ZMAT4: variants seen among roughly 807,000 people sequenced by gnomAD.
The protein encoded by ZMAT4 is zinc finger matrin-type protein 4.
A neutral mutation model predicts 28.7 loss-of-function variants in ZMAT4; 17 were observed. That is an observed-to-expected ratio of 0.59 (90% CI 0.41 to 0.89). The LOEUF is 0.89. ZMAT4 is among the 40% of genes least tolerant of loss of function. The pLI is 0.00. For missense variants in ZMAT4, 240 were observed against 283.8 expected (o/e 0.85, Z 1.11); for synonymous variants, 117 against 109.2 (o/e 1.07, Z -0.44).
At chr8:40,735,206 A>G (rs1308927110) in intron 3 of ZMAT4, among the ~76,000 whole-genome samples, 1 of 152,246 alleles carries the variant, frequency 6.6e-6, no homozygotes, top group Non-Finnish European at 1.5e-5. Flanking sequence ...CTTTGGTGGT[A>G]ATACATCTGC....
rs1554559738 is a variant in ZMAT4, at chr8:40,801,351, A to ATATATATATATATAT, written c.102+24223_102+24224insATATATATATATATA. ...AGATGATACTTTCTTTAAAAAAAAA[A>ATATATATATATATAT]ATATATATATATATATATATACATA... On this transcript the variant is annotated intron_variant, in intron 2 of 6. Coordinates refer to ENST00000297737, the MANE Select transcript of ZMAT4 (RefSeq NM_024645.3). Among the ~76,000 whole-genome samples, 25 of 97,258 alleles carry ATATATATATATATAT rather than the reference A, an allele frequency of 2.6e-4. 1 individual carries two copies. Among genetic ancestry groups the ATATATATATATATAT allele is most frequent in the African/African-American group, 9.3e-4 (25 of 26,982 alleles). 63.8% of individuals were successfully genotyped at this position (97,258 alleles called of 152,430 possible). A position where few individuals can be genotyped will look rare whatever the true frequency, so the allele number is the denominator to read the frequency against.
chr8:40,811,014 G>T (rs930538510), intron 2 of ZMAT4, among the ~76,000 whole-genome samples: 1 of 152,178 alleles, frequency 6.6e-6, no homozygotes. Context: ...CGTGAAAGCT[G>T]AATAAAGCCA....
At chr8:40,889,525 T>C (rs1818589305) in intron 1 of ZMAT4, among the ~76,000 whole-genome samples, 1 of 152,236 alleles carries the variant, frequency 6.6e-6, no homozygotes, top group Non-Finnish European at 1.5e-5. Context: ...AAAAGTCATA[T>C]GTTTCCCAAA....
intron 3 of ZMAT4, among the ~76,000 whole-genome samples, chr8:40,751,550 C>T (rs1015163237): frequency 2.2e-4 from 34 of 152,200 alleles, no homozygotes; most frequent in Middle Eastern, 3.4e-3. Context: ...ATGATCCGAT[C>T]GCCTCCCACC....
At chr8:40,789,334 C>T (rs1426047494) in intron 2 of ZMAT4, among the ~76,000 whole-genome samples, 1 of 152,124 alleles carries the variant, frequency 6.6e-6, no homozygotes, top group Non-Finnish European at 1.5e-5. Flanking sequence ...ATTAGGCAAA[C>T]GTGTCTACTG....
chr8:40,609,658 G>A (rs1212690559), intron 5 of ZMAT4, among the ~76,000 whole-genome samples: 1 of 147,554 alleles, frequency 6.8e-6, no homozygotes, highest in Non-Finnish European at 1.5e-5. Flanking sequence ...AAATAGTAAG[G>A]TAAGATTTTT....
chr8:40,833,563 T>G (rs1301153271), intron 1 of ZMAT4, among the ~76,000 whole-genome samples: 1 of 110,760 alleles, frequency 9.0e-6, no homozygotes, highest in Admixed American at 8.9e-5. Context: ...AAAAAAGACA[T>G]GAAATCATCA....
chr8:40,836,577 T>C (rs1056954157), intron 1 of ZMAT4, among the ~76,000 whole-genome samples: 1 of 152,200 alleles, frequency 6.6e-6, no homozygotes, highest in Non-Finnish European at 1.5e-5. Context: ...AGACGAATCA[T>C]AGCAATCTAA....
intron 3 of ZMAT4, among the ~76,000 whole-genome samples, chr8:40,719,962 T>A (rs558137835): frequency 6.6e-6 from 1 of 152,242 alleles, no homozygotes; most frequent in East Asian, 1.9e-4. Flanking sequence ...CCAAGGTGAG[T>A]CCTGTCTGGA....
At chr8:40,545,950 T>TA (rs36053017) in intron 6 of ZMAT4, among the ~76,000 whole-genome samples, 81,174 of 132,834 alleles carry the variant, frequency 0.61, 24,928 homozygotes, top group East Asian at 0.96. Flanking sequence ...TGAAGCCCAG[T>TA]AAAAAAAAAA....
intron 5 of ZMAT4, among the ~76,000 whole-genome samples, chr8:40,657,447 C>G (rs1262440157): frequency 6.6e-6 from 1 of 151,918 alleles, no homozygotes; most frequent in African/African-American, 2.4e-5. Context: ...CACTGATTAA[C>G]AGGCTTTTTT....
intron 5 of ZMAT4, among the ~76,000 whole-genome samples, chr8:40,604,859 A>G (rs1444636200): frequency 6.6e-6 from 1 of 152,112 alleles, no homozygotes; most frequent in Non-Finnish European, 1.5e-5. Flanking sequence ...TCTTGGACAT[A>G]TCTTTGTTGG....
intron 3 of ZMAT4, among the ~76,000 whole-genome samples, chr8:40,698,876 C>G (rs148393702): frequency 6.6e-6 from 1 of 151,656 alleles, no homozygotes; most frequent in Non-Finnish European, 1.5e-5. Context: ...TGGAAGGGAC[C>G]ACTGGAGAGA....
At chr8:40,825,463 G>A in intron 2 of ZMAT4, 112 bp downstream of exon 2, 2 of 851,992 alleles carry the variant, frequency 2.3e-6, no homozygotes, top group East Asian at 2.7e-5. Context: ...CTCAAGTCCT[G>A]TGGTTCTTCA....
intron 3 of ZMAT4, among the ~76,000 whole-genome samples, chr8:40,711,613 TA>T (rs1810627456): frequency 6.6e-6 from 1 of 152,136 alleles, no homozygotes; most frequent in African/African-American, 2.4e-5. Flanking sequence ...GGTTCTTTTA[TA>T]GGTAAATGGT....
chr8:40,791,026 A>G (rs889577828), intron 2 of ZMAT4, among the ~76,000 whole-genome samples: 2 of 152,258 alleles, frequency 1.3e-5, no homozygotes, highest in Non-Finnish European at 2.9e-5. Flanking sequence ...AGGTAATTCA[A>G]TGGAGAAAGG....
chr8:40,578,542 A>T (rs1258290968), intron 6 of ZMAT4, among the ~76,000 whole-genome samples: 3 of 152,176 alleles, frequency 2.0e-5, no homozygotes, highest in Admixed American at 6.5e-5. Flanking sequence ...CTAAAAAAAA[A>T]TTGATTTTTA....
intron 2 of ZMAT4, among the ~76,000 whole-genome samples, chr8:40,801,706 A>C (rs1814858893): frequency 6.6e-6 from 1 of 152,216 alleles, no homozygotes; most frequent in South Asian, 2.1e-4. Flanking sequence ...TAATTCCATA[A>C]GCTGCTTTTT....
chr8:40,718,699 C>A (rs1423764280), intron 3 of ZMAT4, among the ~76,000 whole-genome samples: 1 of 152,094 alleles, frequency 6.6e-6, no homozygotes, highest in Non-Finnish European at 1.5e-5. Context: ...GTGACAGAGA[C>A]ACACACAGAG....
Sources: gnomAD v4.1 joint callset for allele counts (sites outside exome capture counted in the v4.1 genomes callset) on GRCh38, gnomAD v4.1.1 for gene constraint, MANE v1.5 for transcripts, NCBI Gene and HGNC (gene_info 2026-07-23, HGNC 2026-07-21) for gene names.